Variants in PPFIA3 observed in about 807,000 individuals in gnomAD.
The protein encoded by PPFIA3 is PPFI scaffold protein A3.
In PPFIA3, 26 loss-of-function variants were observed where a neutral mutation model predicts 145.8. The ratio of observed to expected loss-of-function variants is 0.18; its 90% CI spans 0.13 to 0.25. The LOEUF is 0.25. Ranked by LOEUF, PPFIA3 falls within the 10% of genes least tolerant of loss-of-function variation. The pLI is 1.00. For missense variants in PPFIA3, 1,008 were observed against 1,587.8 expected, an observed-to-expected ratio of 0.63 and a Z score of 6.21; for synonymous variants, 645 against 661.4, an observed-to-expected ratio of 0.98 and a Z score of 0.38.
intron 5 of PPFIA3, 84 bp from the exon 6 acceptor site, chr19:49,129,909 C>A: frequency 6.9e-7 from 1 of 1,442,336 alleles, no homozygotes; most frequent in Non-Finnish European, 9.6e-7. Context: ...GGCCGCCTAT[C>A]CCCTTAGAGG....
rs377719611 is a variant in PPFIA3 at position 49,149,625 on chromosome 19, G to A, written c.3433G>A (p.Asp1145Asn). 6.2e-7 allele frequency: 1 copy of A among 1,614,226 alleles called. No individual in the cohort carries two copies. The highest frequency in any genetic ancestry group is 8.5e-7 in the Non-Finnish European group (1 of 1,180,044). Residue 1145 changes from aspartate (D) to asparagine (N), a missense_variant, in exon 28 of 30, where the codon GAC becomes AAC. Physicochemically the swap from Asp to Asn is conservative, Grantham distance 23 (BLOSUM62 1). Around this residue, in one of 11 missense-constraint regions of PPFIA3, gnomAD observed 125 missense variants for 159.3 expected, o/e 0.78. Coordinates refer to ENST00000334186, the MANE Select transcript of PPFIA3 (RefSeq NM_003660.4). This position sits in a 1 kb window ranked among gnomAD's most constrained non-coding sequence, Gnocchi z 5.7. Reference sequence around the variant, plus strand: ...GAAGGACCTCCGAGGCGTAACTCCCGACTCAGCTGAGATGTTGCCCCCCAA... The same window carrying A: ...GAAGGACCTCCGAGGCGTAACTCCCAACTCAGCTGAGATGTTGCCCCCCAA... ...REKDLRGVTP[D>N]SAEMLPPNFR...
chr19:49,135,707 G>T, intron 13 of PPFIA3, 72 bp from the exon 14 acceptor site: 2 of 1,470,194 alleles, frequency 1.4e-6, no homozygotes, highest in Non-Finnish European at 1.8e-6. Flanking sequence ...CCCTAGGTCT[G>T]TCTCTGTGAC....
chr19:49,128,142 G>A lies in PPFIA3; in HGVS notation c.240+29G>A. 1 of 1,485,470 alleles carries A rather than the reference G, an allele frequency of 6.7e-7. No homozygotes were observed. Among genetic ancestry groups the A allele is most frequent in the Non-Finnish European group, 8.9e-7 (1 of 1,120,366 alleles). 92.0% of individuals were successfully genotyped at this position (1,485,470 alleles called of 1,614,324 possible). ...TGGGCGGGACAGGGGCGGGGCATGA[G>A]GGGGCGGGGCCTCGGGGGGAAGAAG... On this transcript the variant is annotated intron_variant, in intron 2 of 29. Coordinates refer to ENST00000334186, the MANE Select transcript of PPFIA3 (RefSeq NM_003660.4). The surrounding 1 kb of genome is among the most constrained non-coding windows in gnomAD (Gnocchi z 4.1).
At chr19:49,125,341 C>T (rs2040984005) in intron 1 of PPFIA3, 1 of 152,352 alleles carries the variant, frequency 6.6e-6, no homozygotes, top group South Asian at 2.1e-4. Flanking sequence ...TATCCACGCT[C>T]AGACCGGTTA....
In PPFIA3 at chr19:49,128,599, C is replaced by A. The variant is rs1193695408; in HGVS notation, c.342+131C>A. ...TCTCGCCTTTCTGTCTTCTCCTCTT[C>A]CCTGCTCCCACTTCCTGGCTGGTCT... On this transcript the variant is annotated intron_variant, in intron 3 of 29. Transcript: ENST00000334186. The surrounding 1 kb of genome is among the most constrained non-coding windows in gnomAD (Gnocchi z 4.1). 14 of 869,470 alleles carry A rather than the reference C, an allele frequency of 1.6e-5. No homozygotes were observed. The East Asian group carries it at 3.5e-4, about 21-fold the overall frequency. 53.9% of individuals were successfully genotyped at this position (869,470 alleles called of 1,614,324 possible).
Position 49,120,273 on chromosome 19 carries a change from C to T in PPFIA3, c.-16+551C>T, listed in dbSNP as rs2040920368. Among the ~76,000 whole-genome samples, 1 of 151,844 alleles carries T rather than the reference C, an allele frequency of 6.6e-6. No individual in the cohort carries two copies. Among genetic ancestry groups the T allele is most frequent in the Non-Finnish European group, 1.5e-5 (1 of 67,844 alleles). On this transcript the variant is annotated intron_variant, in intron 1 of 29. Transcript: ENST00000334186. This position sits in a 1 kb window ranked among gnomAD's most constrained non-coding sequence, Gnocchi z 4.6. ...CACCAGGGAGGGGGCGCAGGCGGCG[C>T]GGGGATCCCCCCGCCGCGCCTTTGA...
At position 49,138,322 on chromosome 19, in the gene PPFIA3, CT is replaced by C. The variant is rs150301372; in HGVS notation, c.1972del (p.Ser658ProfsTer70). ...ACCGCAGCAGCTGCTCCCTGCCCCC[CT>C]CCCTCACCACCTCTACCCTTGCCAG... ...RYRSSCSLPP[S>X]LTTSTLASPS... is the part of the protein sequence containing the mutation. On this transcript the variant is annotated frameshift_variant, in exon 16 of 30. Transcript: ENST00000334186. LOFTEE classifies it high-confidence loss of function. 1.2e-6 allele frequency: 2 copies of C among 1,612,980 alleles called. No individual in the cohort carries two copies. The highest frequency in any genetic ancestry group is 8.5e-7 in the Non-Finnish European group (1 of 1,179,646).
chr19:49,125,020 T>A (rs2040980283), intron 1 of PPFIA3, among the ~76,000 whole-genome samples: 1 of 151,896 alleles, frequency 6.6e-6, no homozygotes, highest in South Asian at 2.1e-4. Flanking sequence ...TGAGCCGAGA[T>A]CACGCCAGCG....
chr19:49,141,378 C>G lies in PPFIA3; in HGVS notation c.2369-42C>G, dbSNP rs772504031. 11 of 1,483,238 alleles carry G rather than the reference C, an allele frequency of 7.4e-6. No homozygotes were observed. In the East Asian group the frequency reaches 2.3e-4, roughly 31 times the overall value. 91.9% of individuals were successfully genotyped at this position (1,483,238 alleles called of 1,614,324 possible). A position where few individuals can be genotyped will look rare whatever the true frequency, so the allele number is the denominator to read the frequency against. Reference sequence around the variant, plus strand: ...CCTCCAGCATGAAAGATTCTGCCTCCCCCTTGAGATTTTCCAAATTTCGAC... The same window carrying G: ...CCTCCAGCATGAAAGATTCTGCCTCGCCCTTGAGATTTTCCAAATTTCGAC... On this transcript the variant is annotated intron_variant, in intron 18 of 29. Coordinates refer to ENST00000334186, the MANE Select transcript of PPFIA3 (RefSeq NM_003660.4).
At position 49,133,374 on chromosome 19, in the gene PPFIA3, G is replaced by T; in HGVS notation, c.1161+3G>T. Reference sequence around the variant, plus strand: ...AGCGCGTGGCGGCGCTCAACAAGGTGCGGGGAGGACTCGGGTCGGGGCCTT... The same window carrying T: ...AGCGCGTGGCGGCGCTCAACAAGGTTCGGGGAGGACTCGGGTCGGGGCCTT... On this transcript the variant is annotated splice_donor_region_variant and intron_variant, in intron 9 of 29. Transcript: ENST00000334186. The surrounding 1 kb of genome is among the most constrained non-coding windows in gnomAD (Gnocchi z 7.2). 3 of 1,599,994 alleles carry T rather than the reference G, an allele frequency of 1.9e-6. No homozygotes were observed. The highest frequency in any genetic ancestry group is 2.6e-6 in the Non-Finnish European group (3 of 1,173,786).
At position 49,148,699 on chromosome 19, in the gene PPFIA3, A is replaced by G; in HGVS notation, c.3045A>G (p.Lys1015=). 6.2e-7 allele frequency: 1 copy of G among 1,614,106 alleles called. No individual in the cohort carries two copies. Among genetic ancestry groups the G allele is most frequent in the African/African-American group, 1.3e-5 (1 of 75,042 alleles). Residue 1015 remains lysine (K), a synonymous_variant, in exon 25 of 30, where the codon AAA becomes AAG. Coordinates refer to ENST00000334186, the MANE Select transcript of PPFIA3 (RefSeq NM_003660.4). ...TACATTATGGGATTATGTGCCTGAA[A>G]CGGCTCAACTATGACCGGAAGGACC... ...VSLHYGIMCL[K]RLNYDRKDLE...
rs2122493649 is a variant in PPFIA3, at chr19:49,119,613, G to A, written c.-125G>A. 6.5e-6 allele frequency: 1 copy of A among 153,072 alleles called. No individual in the cohort carries two copies. The highest frequency in any genetic ancestry group is 2.0e-4 in the East Asian group (1 of 5,100). The allele number at this position is 153,072 out of a possible 1,614,324, so 9.5% of individuals were successfully genotyped here. A position where few individuals can be genotyped will look rare whatever the true frequency, so the allele number is the denominator to read the frequency against. On this transcript the variant is annotated 5_prime_UTR_variant, in exon 1 of 30. Coordinates refer to ENST00000334186, the MANE Select transcript of PPFIA3 (RefSeq NM_003660.4). ...GGAGACAGGGCTCCAGGGCTCCGAA[G>A]CGACAGAGCCGGGCCCCGGCCGCTG...
At chr19:49,129,239 G>A in intron 4 of PPFIA3, 141 bp from the exon 5 acceptor site, 2 of 989,794 alleles carry the variant, frequency 2.0e-6, no homozygotes, top group Non-Finnish European at 2.9e-6. Context: ...TGGATAGCTG[G>A]TTGCGGCTGC....
chr19:49,144,843 G>A (rs1600349989), intron 21 of PPFIA3, among the ~76,000 whole-genome samples: 1 of 152,006 alleles, frequency 6.6e-6, no homozygotes, highest in African/African-American at 2.4e-5. Context: ...TACTTTAGTG[G>A]GTCTTTTTCT....
In PPFIA3 at chr19:49,149,337, A is replaced by T; in HGVS notation, c.3354+12A>T. The T allele has an allele frequency of 6.2e-7, 1 of 1,613,792 alleles. No individual in the cohort carries two copies. Among genetic ancestry groups the T allele is most frequent in the Non-Finnish European group, 8.5e-7 (1 of 1,179,934 alleles). ...GGCGGCTGGACGAGGTGGGCGCGGCAACAGCTCAGAGGGCTCTGCTCCCAG... is the reference window on the plus strand; with the variant it reads ...GGCGGCTGGACGAGGTGGGCGCGGCTACAGCTCAGAGGGCTCTGCTCCCAG... On this transcript the variant is annotated intron_variant, in intron 27 of 29. Coordinates refer to ENST00000334186, the MANE Select transcript of PPFIA3 (RefSeq NM_003660.4). The surrounding 1 kb of genome is among the most constrained non-coding windows in gnomAD (Gnocchi z 5.7).
chr19:49,140,035 G>C lies in PPFIA3; in HGVS notation c.2315G>C (p.Gly772Ala). 6.2e-7 allele frequency: 1 copy of C among 1,614,142 alleles called. No homozygotes were observed. Among genetic ancestry groups the C allele is most frequent in the Non-Finnish European group, 8.5e-7 (1 of 1,180,018 alleles). The change falls in exon 18 of 30, where the codon GGC (glycine) becomes GCC (alanine). Residue 772 changes from glycine (G) to alanine (A), a missense_variant. Physicochemically the swap from Gly to Ala is moderately conservative, Grantham distance 60. Transcript: ENST00000334186. ...SIKSSIGRLFGKKEKGRMGPP... is the reference protein window; with the variant it reads ...SIKSSIGRLFAKKEKGRMGPP... ...AAGTCATCCATAGGCCGTCTCTTTG[G>C]CAAGAAAGAGAAGGGACGAATGGGA...
chr19:49,133,699 G>C lies in PPFIA3; in HGVS notation c.1162-97G>C. 1 of 1,305,824 alleles carries C rather than the reference G, an allele frequency of 7.7e-7. No homozygotes were observed. Among genetic ancestry groups the C allele is most frequent in the Non-Finnish European group, 1.1e-6 (1 of 917,892 alleles). The allele number at this position is 1,305,824 out of a possible 1,614,324, so 80.9% of individuals were successfully genotyped here. ...GTGCAGGGGAGGAGCCTGGCGCTGT[G>C]GGGGCGGAGCCTGGCGCTCAGCCTT... On this transcript the variant is annotated intron_variant, in intron 9 of 29. Transcript: ENST00000334186. The surrounding 1 kb of genome is among the most constrained non-coding windows in gnomAD (Gnocchi z 7.2).
At chr19:49,139,855 A>G in intron 17 of PPFIA3, 24 bp downstream of exon 17, 1 of 1,610,670 alleles carries the variant, frequency 6.2e-7, no homozygotes, top group Non-Finnish European at 8.5e-7. Flanking sequence ...AGGGATAGGG[A>G]CAGGGAGAAG....
intron 1 of PPFIA3, among the ~76,000 whole-genome samples, chr19:49,125,124 G>T (rs1466016274): frequency 6.6e-6 from 1 of 152,036 alleles, no homozygotes; most frequent in Non-Finnish European, 1.5e-5. Flanking sequence ...TGCCCTCTTA[G>T]AATCGTTTTC....
Sources: gnomAD v4.1 joint callset for allele counts (sites outside exome capture counted in the v4.1 genomes callset) on GRCh38, gnomAD v4.1.1 for gene constraint, gnomAD v4.1.1 regional missense constraint, Gnocchi (gnomAD v3.1) non-coding constraint, MANE v1.5 for transcripts, NCBI Gene and HGNC (gene_info 2026-07-23, HGNC 2026-07-21) for gene names.